The following TMTC4 variants were observed in gnomAD, a reference collection of about 807,000 sequenced individuals.
TMTC4 encodes the protein transmembrane O-mannosyltransferase targeting cadherins 4, also known as protein O-mannosyl-transferase TMTC4.
A neutral mutation model predicts 86.0 loss-of-function variants in TMTC4; 65 were observed. The ratio of observed to expected loss-of-function variants is 0.76; its 90% confidence interval spans 0.62 to 0.93. The LOEUF (loss-of-function observed/expected upper bound fraction) is 0.93, where lower values mean the gene tolerates loss of function less well. Ranked by LOEUF, TMTC4 falls within the 40% of genes least tolerant of loss-of-function variation. TMTC4 has a pLI of 0.00. For synonymous variants in TMTC4, 379 were observed against 382.5 expected (o/e 0.99, Z 0.11); for missense variants, 866 against 948.1 (o/e 0.91, Z 1.14).
Position 100,626,137 on chromosome 13 carries a change from A to G in TMTC4, c.1520T>C (p.Ile507Thr). ...CPLNAKVHYN[I>T]GKNLADKGNQ... ...GCCTTTATCAGCCAGGTTTTTGCCAATGTTGTAGTGAACCTGCAGACAGAG... is the reference window on the plus strand; with the variant it reads ...GCCTTTATCAGCCAGGTTTTTGCCAGTGTTGTAGTGAACCTGCAGACAGAG... Residue 507 changes from isoleucine (I) to threonine (T), a missense_variant, in exon 13 of 19, where the codon ATT (isoleucine) becomes ACT (threonine). Ile to Thr is a moderately conservative substitution (Grantham distance 89). Transcript: ENST00000342624. 5 of 1,614,162 alleles carry G rather than the reference A, an allele frequency of 3.1e-6. No homozygotes were observed. Among genetic ancestry groups the G allele is most frequent in the East Asian group, 2.2e-5 (1 of 44,884 alleles).
intron 1 of TMTC4, chr13:100,674,345 G>C: frequency 1.0e-6 from 1 of 978,490 alleles, no homozygotes; most frequent in Non-Finnish European, 1.2e-6. Context: ...CCAGGCGCGG[G>C]GCCCCGCGGC....
intron 4 of TMTC4, among the ~76,000 whole-genome samples, 166 bp downstream of exon 4, chr13:100,664,055 C>G (rs1886115252): frequency 6.6e-6 from 1 of 152,146 alleles, no homozygotes; most frequent in Admixed American, 6.5e-5. Flanking sequence ...AGGGGCCACG[C>G]TGGCCTTCTC....
chr13:100,627,589 A>T (rs919132480), intron 12 of TMTC4, among the ~76,000 whole-genome samples: 1 of 152,154 alleles, frequency 6.6e-6, no homozygotes, highest in Non-Finnish European at 1.5e-5. Context: ...CCTGTCTTAA[A>T]AGGACACCAG....
At chr13:100,614,867 A>T in intron 15 of TMTC4, 2 of 955,120 alleles carry the variant, frequency 2.1e-6, no homozygotes, top group Non-Finnish European at 2.5e-6. Flanking sequence ...TTGTTGATAA[A>T]GTATTACTTA....
At position 100,625,659 on chromosome 13, in the gene TMTC4, G is replaced by A. The variant is rs762498798; in HGVS notation, c.1712C>T (p.Ala571Val). 4.3e-6 allele frequency: 7 copies of A among 1,613,978 alleles called. No individual in the cohort carries two copies. The highest frequency in any genetic ancestry group is 4.5e-5 in the East Asian group (2 of 44,890). The change falls in exon 15 of 19, where the codon GCG (alanine) becomes GTG (valine). Residue 571 changes from alanine to valine, a missense_variant. Ala to Val is a moderately conservative substitution (Grantham distance 64). Transcript: ENST00000342624. ...AVQIQPDFAA[A>V]WMNLGIVQNS... is the part of the protein sequence containing the mutation. ...CTGCACTATGCCTAGATTCATCCAC[G>A]CAGCGGCAAAGTCTGGCCTAGAGGA...
intron 1 of TMTC4, among the ~76,000 whole-genome samples, chr13:100,671,578 T>C (rs1055125993): frequency 1.3e-5 from 2 of 152,168 alleles, no homozygotes; most frequent in Non-Finnish European, 2.9e-5. Context: ...GGAAGTCAAG[T>C]GGATGGCTGA....
intron 6 of TMTC4, among the ~76,000 whole-genome samples, chr13:100,649,580 T>A (rs1226967839): frequency 6.6e-6 from 1 of 152,152 alleles, no homozygotes; most frequent in East Asian, 1.9e-4. Context: ...TATTTCTATG[T>A]CTATCAGAGT....
In TMTC4 at chr13:100,609,676, T is replaced by TACACACAC. The variant is rs373186529; in HGVS notation, c.2064+2721_2064+2722insGTGTGTGT. Among the ~76,000 whole-genome samples, 43 of 144,042 alleles carry TACACACAC rather than the reference T, an allele frequency of 3.0e-4. 1 individual carries two copies. In the Middle Eastern group the frequency reaches 0.011, roughly 36 times the overall value. 94.5% of individuals were successfully genotyped at this position (144,042 alleles called of 152,430 possible). On this transcript the variant is annotated intron_variant, in intron 17 of 18. Coordinates refer to ENST00000342624, the MANE Select transcript of TMTC4 (RefSeq NM_032813.5). ...TGATTGAATGCTCACTAAATGTATA[T>TACACACAC]ATATACACACACACACACACACACA...
At chr13:100,622,324 T>C (rs185205723) in intron 15 of TMTC4, among the ~76,000 whole-genome samples, 60 of 152,294 alleles carry the variant, frequency 3.9e-4, no homozygotes, top group Non-Finnish European at 7.8e-4. Flanking sequence ...GGTGGTATCT[T>C]CCTGTGGCAT....
intron 6 of TMTC4, among the ~76,000 whole-genome samples, chr13:100,646,570 T>C (rs1410000448): frequency 6.6e-6 from 1 of 152,182 alleles, no homozygotes; most frequent in African/African-American, 2.4e-5. Flanking sequence ...GGTTGTTAGA[T>C]TATTCTAAAT....
At position 100,634,952 on chromosome 13, in the gene TMTC4, A is replaced by C; in HGVS notation, c.1375-16T>G. On this transcript the variant is annotated splice_polypyrimidine_tract_variant and intron_variant, in intron 11 of 18. Transcript: ENST00000342624. Reference sequence around the variant, plus strand: ...CAATGAGTTTCTTAAGAACAGAAAGACATGGTAATTGTCACCAGTGAGATG... The same window carrying C: ...CAATGAGTTTCTTAAGAACAGAAAGCCATGGTAATTGTCACCAGTGAGATG... 6.2e-7 allele frequency: 1 copy of C among 1,613,228 alleles called. No individual in the cohort carries two copies. The highest frequency in any genetic ancestry group is 1.3e-5 in the African/African-American group (1 of 75,020).
chr13:100,611,185 G>A (rs1877513057), intron 17 of TMTC4, among the ~76,000 whole-genome samples: 1 of 152,212 alleles, frequency 6.6e-6, no homozygotes, highest in Admixed American at 6.5e-5. Flanking sequence ...CTGAGTGATT[G>A]AAATAAGATA....
At chr13:100,640,767 A>G (rs1594313096) in intron 7 of TMTC4, among the ~76,000 whole-genome samples, 1 of 150,086 alleles carries the variant, frequency 6.7e-6, no homozygotes, top group African/African-American at 2.5e-5. Context: ...TAATCACGCC[A>G]CTGCCCTCCC....
chr13:100,663,303 G>T, intron 4 of TMTC4, 123 bp from the exon 5 acceptor site: 2 of 843,418 alleles, frequency 2.4e-6, no homozygotes, highest in South Asian at 1.5e-5. Context: ...CTTTGTGCCA[G>T]CTTGATAAAA....
chr13:100,644,081 T>A (rs983384068), intron 6 of TMTC4, among the ~76,000 whole-genome samples: 1 of 149,642 alleles, frequency 6.7e-6, no homozygotes, highest in Non-Finnish European at 1.5e-5. Flanking sequence ...CGTTCTGGCC[T>A]GGGGGTGGGA....
At position 100,660,814 on chromosome 13, in the gene TMTC4, C is replaced by T. The variant is rs568486185; in HGVS notation, c.552+2150G>A. Among the ~76,000 whole-genome samples the T allele has an allele frequency of 4.2e-3, 641 of 152,148 alleles. 7 individuals carry two copies. Among genetic ancestry groups the T allele is most frequent in the African/African-American group, 0.015 (621 of 41,512 alleles). ...GACTACAGGGGCATACCACCATGCC[C>T]GGCTCATTTTTGTATTTTTAGTAGA... On this transcript the variant is annotated intron_variant, in intron 5 of 18. Transcript: ENST00000342624.
intron 3 of TMTC4, among the ~76,000 whole-genome samples, chr13:100,667,769 G>A (rs1048512911): frequency 6.6e-6 from 1 of 152,076 alleles, no homozygotes; most frequent in South Asian, 2.1e-4. Context: ...AATATCTTCT[G>A]AATAACAGAT....
intron 2 of TMTC4, 72 bp downstream of exon 2, chr13:100,670,288 G>C: frequency 1.3e-6 from 2 of 1,554,976 alleles, no homozygotes; most frequent in South Asian, 2.4e-5. Context: ...GCCACCTGAA[G>C]TCACAGGCAT....
At chr13:100,660,174 T>C (rs539709997) in intron 5 of TMTC4, among the ~76,000 whole-genome samples, 6 of 151,044 alleles carry the variant, frequency 4.0e-5, no homozygotes, top group East Asian at 2.0e-4. Flanking sequence ...CTACTAAAAA[T>C]ACAAAAATTA....
Sources: allele counts gnomAD v4.1 joint callset (sites outside exome capture counted in the v4.1 genomes callset), GRCh38; gene constraint gnomAD v4.1.1; transcripts MANE v1.5; gene names NCBI Gene and HGNC (gene_info 2026-07-23, HGNC 2026-07-21).